Variants in DPYSL2 observed in about 807,000 individuals in gnomAD.
The protein encoded by DPYSL2 is dihydropyrimidinase-related protein 2.
Under a neutral mutation model 69.9 loss-of-function variants are expected in DPYSL2, and 13 were observed. The ratio of observed to expected loss-of-function variants is 0.19; its 90% CI spans 0.12 to 0.30. The LOEUF is 0.30. Among genes scored for constraint, DPYSL2 ranks in the 10% least tolerant of loss-of-function variants. The pLI is 1.00. For synonymous variants in DPYSL2, 326 were observed against 359.1 expected (o/e 0.91, Z 1.04); for missense variants, 587 against 918.9 (o/e 0.64, Z 4.67).
rs4872457 is a variant in DPYSL2 at position 26,626,548 on chromosome 8, T to G, written c.794-69T>G. ...GTACACACACAGACAGTATTATCACTTTCTTATCCCTTATTTGGTTATTTG... is the reference window on the plus strand; with the variant it reads ...GTACACACACAGACAGTATTATCACGTTCTTATCCCTTATTTGGTTATTTG... On this transcript the variant is annotated intron_variant, in intron 4 of 13. Coordinates refer to ENST00000521913, the MANE Select transcript of DPYSL2 (RefSeq NM_001197293.3). This position sits in a 1 kb window ranked among gnomAD's most constrained non-coding sequence, Gnocchi z 4.3. 771,397 of 1,410,870 alleles carry G rather than the reference T, an allele frequency of 0.55. 219,798 individuals carry two copies. The highest frequency in any genetic ancestry group is 0.65 in the East Asian group (28,309 of 43,762). 87.4% of individuals were successfully genotyped at this position (1,410,870 alleles called of 1,614,324 possible).
In DPYSL2 at chr8:26,643,884, C is replaced by G; in HGVS notation, c.1284-66C>G. On this transcript the variant is annotated intron_variant, in intron 9 of 13. Coordinates refer to ENST00000521913, the MANE Select transcript of DPYSL2 (RefSeq NM_001197293.3). This position sits in a 1 kb window ranked among gnomAD's most constrained non-coding sequence, Gnocchi z 6.5. ...TGATGCCATTCATGAGACAGCCCAC[C>G]AAATAGGTGTAGGCGCACAGCATCT... 1 of 1,550,318 alleles carries G rather than the reference C, an allele frequency of 6.5e-7. No individual in the cohort carries two copies. Among genetic ancestry groups the G allele is most frequent in the African/African-American group, 1.4e-5 (1 of 74,004 alleles).
intron 7 of DPYSL2, among the ~76,000 whole-genome samples, chr8:26,631,600 C>T (rs144796242): frequency 6.6e-6 from 1 of 152,292 alleles, no homozygotes; most frequent in African/African-American, 2.4e-5. Context: ...GCAGCTGTTG[C>T]CCTGAGAACT....
intron 3 of DPYSL2, among the ~76,000 whole-genome samples, chr8:26,618,984 G>A (rs1246954643): frequency 1.3e-5 from 2 of 151,904 alleles, no homozygotes; most frequent in Non-Finnish European, 2.9e-5. Context: ...AAAGAAAAAA[G>A]AAATGGAGGT....
intron 1 of DPYSL2, among the ~76,000 whole-genome samples, chr8:26,563,915 A>G (rs915158239): frequency 1.3e-4 from 20 of 152,180 alleles, no homozygotes; most frequent in African/African-American, 4.3e-4. Context: ...TGGAAGTTAG[A>G]AACGTTTAGT....
chr8:26,631,104 CA>C (rs1196403446), intron 7 of DPYSL2, among the ~76,000 whole-genome samples: 1 of 152,178 alleles, frequency 6.6e-6, no homozygotes, highest in East Asian at 1.9e-4. Flanking sequence ...GAGAAGTACA[CA>C]AACACAGAAA....
chr8:26,608,731 C>T (rs1407461463), intron 3 of DPYSL2, among the ~76,000 whole-genome samples: 1 of 152,108 alleles, frequency 6.6e-6, no homozygotes, highest in African/African-American at 2.4e-5. Context: ...GCCCTCAGCC[C>T]GAGATGAGAA....
At chr8:26,630,192 A>T (rs1236806638) in intron 7 of DPYSL2, among the ~76,000 whole-genome samples, 1 of 152,214 alleles carries the variant, frequency 6.6e-6, no homozygotes, top group Non-Finnish European at 1.5e-5. Flanking sequence ...GCACACACCT[A>T]TGCAGGCACC....
chr8:26,551,934 C>G (rs551215449), intron 1 of DPYSL2, among the ~76,000 whole-genome samples: 8 of 152,262 alleles, frequency 5.3e-5, no homozygotes, highest in African/African-American at 9.6e-5. Flanking sequence ...CTGCCTCAGT[C>G]TCCTGAGTAG....
chr8:26,572,790 C>T (rs1040250217), intron 1 of DPYSL2, among the ~76,000 whole-genome samples: 40 of 152,278 alleles, frequency 2.6e-4, no homozygotes, highest in Middle Eastern at 3.4e-3. Context: ...TGAGCTACTG[C>T]GCCTGGTCAG....
intron 1 of DPYSL2, among the ~76,000 whole-genome samples, chr8:26,518,081 A>C (rs953432781): frequency 1.3e-5 from 2 of 152,234 alleles, no homozygotes; most frequent in South Asian, 2.1e-4. Flanking sequence ...GTTAAAGAGA[A>C]ATTCCAATGA....
In DPYSL2 at chr8:26,621,430, G is replaced by A. The variant is rs1172336155; in HGVS notation, c.629-2713G>A. ...CTTTGCCGCAGCAAAAGCTGGTCCG[G>A]TTCCCAGGAGAGCCCCTCCTTTGCT... is the stretch of plus-strand genomic sequence containing the variant. On this transcript the variant is annotated intron_variant, in intron 3 of 13. Coordinates refer to ENST00000521913, the MANE Select transcript of DPYSL2 (RefSeq NM_001197293.3). This position sits in a 1 kb window ranked among gnomAD's most constrained non-coding sequence, Gnocchi z 4.9. Among the ~76,000 whole-genome samples, 1 of 152,184 alleles carries A rather than the reference G, an allele frequency of 6.6e-6. No individual in the cohort carries two copies. The highest frequency in any genetic ancestry group is 1.5e-5 in the Non-Finnish European group (1 of 68,026).
intron 1 of DPYSL2, among the ~76,000 whole-genome samples, chr8:26,566,762 A>G (rs1801156750): frequency 6.6e-6 from 1 of 152,192 alleles, no homozygotes; most frequent in African/African-American, 2.4e-5. Context: ...CAGTGAGTCT[A>G]TGTTAGACTC....
Position 26,598,364 on chromosome 8 carries a change from GCTC to G in DPYSL2, c.628+14388_628+14390del, listed in dbSNP as rs1167258227. Among the ~76,000 whole-genome samples, 1 of 152,168 alleles carries G rather than the reference GCTC, an allele frequency of 6.6e-6. No individual in the cohort carries two copies. The highest frequency in any genetic ancestry group is 1.5e-5 in the Non-Finnish European group (1 of 68,038). ...TTTATTTTTTTGTGGATGTTTTAGA[GCTC>G]CTCCTCTCCATCTCCTGAATTTCTT... On this transcript the variant is annotated intron_variant, in intron 3 of 13. Coordinates refer to ENST00000521913, the MANE Select transcript of DPYSL2 (RefSeq NM_001197293.3). This position sits in a 1 kb window ranked among gnomAD's most constrained non-coding sequence, Gnocchi z 4.2.
At position 26,653,468 on chromosome 8, in the gene DPYSL2, C is replaced by G. The variant is rs527318646; in HGVS notation, c.1942+71C>G. ...GCTGGTGCTGGCGAGGCTACAGTTG[C>G]ATTTGGAAAGGACACAGAAATAGAA... On this transcript the variant is annotated intron_variant, in intron 13 of 13. Coordinates refer to ENST00000521913, the MANE Select transcript of DPYSL2 (RefSeq NM_001197293.3). The surrounding 1 kb of genome is among the most constrained non-coding windows in gnomAD (Gnocchi z 5.7). The G allele has an allele frequency of 6.7e-7, 1 of 1,490,492 alleles. No individual in the cohort carries two copies. The highest frequency in any genetic ancestry group is 1.4e-5 in the African/African-American group (1 of 71,650). The allele number at this position is 1,490,492 out of a possible 1,614,324, so 92.3% of individuals were successfully genotyped here.
intron 1 of DPYSL2, among the ~76,000 whole-genome samples, chr8:26,567,523 T>C (rs1446619922): frequency 6.6e-6 from 1 of 152,244 alleles, no homozygotes; most frequent in East Asian, 1.9e-4. Flanking sequence ...TTCAAGATGC[T>C]TACTGTCTAA....
chr8:26,574,254 A>G (rs1585517124), intron 1 of DPYSL2, among the ~76,000 whole-genome samples: 1 of 151,858 alleles, frequency 6.6e-6, no homozygotes, highest in Admixed American at 6.5e-5. Flanking sequence ...GGGAGGGCAC[A>G]CTGTTTTCAG....
At position 26,570,775 on chromosome 8, in the gene DPYSL2, C is replaced by T. The variant is rs118073552; in HGVS notation, c.355-11194C>T. 1.0e-2 allele frequency among the ~76,000 whole-genome samples: 1,503 copies of T among 150,664 alleles called. 39 individuals are homozygous for T. The highest frequency in any genetic ancestry group is 0.074 in the East Asian group (379 of 5,100). ...AAAAAAAAAAAAAAAGAACTAGCCC[C>T]TTGGGCTTTGGGGTCACACAGACCC... On this transcript the variant is annotated intron_variant, in intron 1 of 13. Coordinates refer to ENST00000521913, the MANE Select transcript of DPYSL2 (RefSeq NM_001197293.3).
At position 26,617,016 on chromosome 8, in the gene DPYSL2, C is replaced by G. The variant is rs1802370203; in HGVS notation, c.629-7127C>G. Among the ~76,000 whole-genome samples, 1 of 152,214 alleles carries G rather than the reference C, an allele frequency of 6.6e-6. No individual in the cohort carries two copies. The highest frequency in any genetic ancestry group is 1.9e-4 in the East Asian group (1 of 5,204). On this transcript the variant is annotated intron_variant, in intron 3 of 13. Coordinates refer to ENST00000521913, the MANE Select transcript of DPYSL2 (RefSeq NM_001197293.3). This position sits in a 1 kb window ranked among gnomAD's most constrained non-coding sequence, Gnocchi z 4.7. ...TGGTACCTGCTCAACTGCTTCAATTCCAGAACTGGAACTGCAGGGAAGCTG... is the reference window on the plus strand; with the variant it reads ...TGGTACCTGCTCAACTGCTTCAATTGCAGAACTGGAACTGCAGGGAAGCTG...
chr8:26,626,692 C>T lies in DPYSL2; in HGVS notation c.855+14C>T, dbSNP rs567444138. The stretch of plus-strand genomic sequence containing the variant: ...ACGGATTGCCAGGTAAGAAAGTCGG[C>T]TTTTCGGAAGAGGCACCCTGACATT... On this transcript the variant is annotated intron_variant, in intron 5 of 13. Coordinates refer to ENST00000521913, the MANE Select transcript of DPYSL2 (RefSeq NM_001197293.3). The surrounding 1 kb of genome is among the most constrained non-coding windows in gnomAD (Gnocchi z 4.3). The T allele has an allele frequency of 7.4e-6, 12 of 1,614,046 alleles. No homozygotes were observed. The highest frequency in any genetic ancestry group is 6.6e-5 in the South Asian group (6 of 91,068).
Sources: gnomAD v4.1 joint callset for allele counts (sites outside exome capture counted in the v4.1 genomes callset) on GRCh38, gnomAD v4.1.1 for gene constraint, Gnocchi (gnomAD v3.1) non-coding constraint, MANE v1.5 for transcripts, NCBI Gene and HGNC (gene_info 2026-07-23, HGNC 2026-07-21) for gene names.